The following OVCH1 variants were observed in gnomAD, a reference collection of about 807,000 sequenced individuals.
OVCH1 encodes the protein ovochymase-1.
Under a neutral mutation model 138.4 loss-of-function variants are expected in OVCH1, and 139 were observed. The observed-to-expected ratio is 1.00, with a 90% CI of 0.87 to 1.16. The LOEUF is 1.16. OVCH1 is among the 50% of genes most tolerant of loss of function. OVCH1 has a pLI of 0.00. For synonymous variants in OVCH1, 453 were observed against 467.8 expected (o/e 0.97, Z 0.41); for missense variants, 1,367 against 1,357.9 (o/e 1.01, Z -0.11).
In OVCH1 at chr12:29,432,340, G is replaced by C. The variant is rs531906165; in HGVS notation, c.3327+1411C>G. On this transcript the variant is annotated intron_variant, in intron 27 of 27. Transcript: ENST00000318184. ...AATATTATGGTGGAATTGTTCAGAA[G>C]TAGTAGCATTCTAGCTCTATTTTAC... 4.6e-4 allele frequency among the ~76,000 whole-genome samples: 70 copies of C among 152,354 alleles called. 1 individual carries two copies. In the South Asian group the frequency reaches 0.014, roughly 30 times the overall value.
At chr12:29,453,287 G>T (rs1046026037) in intron 21 of OVCH1, among the ~76,000 whole-genome samples, 3 of 152,086 alleles carry the variant, frequency 2.0e-5, no homozygotes, top group African/African-American at 7.2e-5. Context: ...CCAGACAAAT[G>T]GTCCTGGGTC....
At chr12:29,436,370 ATG>A (rs147212294) in intron 26 of OVCH1, among the ~76,000 whole-genome samples, 7,177 of 118,876 alleles carry the variant, frequency 0.06, 237 homozygotes, top group Non-Finnish European at 0.073. Context: ...ATGAAAATAC[ATG>A]TTATATAACA....
At chr12:29,445,656 A>G (rs1186342881) in intron 22 of OVCH1, among the ~76,000 whole-genome samples, 1 of 152,106 alleles carries the variant, frequency 6.6e-6, no homozygotes, top group Non-Finnish European at 1.5e-5. Context: ...TGCTTCCTGA[A>G]GGACAGTAGG....
At chr12:29,473,810 C>T (rs1372493951) in intron 14 of OVCH1, among the ~76,000 whole-genome samples, 1 of 152,048 alleles carries the variant, frequency 6.6e-6, no homozygotes, top group African/African-American at 2.4e-5. Flanking sequence ...CTGGGGAAGG[C>T]AGATCCACCC....
At position 29,494,386 on chromosome 12, in the gene OVCH1, T is replaced by TTA. The variant is rs1488862469; in HGVS notation, c.454+897_454+898dup. ...GCTTTTAGTATTTTACCCAGAATGT[T>TTA]TATATTACCTGTGTTGAGAGAGTGT... On this transcript the variant is annotated intron_variant, in intron 4 of 27. Transcript: ENST00000318184. Among the ~76,000 whole-genome samples the TTA allele has an allele frequency of 4.6e-5, 7 of 152,258 alleles. No homozygotes were observed. In the East Asian group the frequency reaches 1.4e-3, roughly 29 times the overall value.
intron 26 of OVCH1, among the ~76,000 whole-genome samples, chr12:29,435,063 T>C (rs527888229): frequency 6.6e-6 from 1 of 152,360 alleles, no homozygotes; most frequent in East Asian, 1.9e-4. Context: ...ATAATATTTT[T>C]AGCAAGTATA....
intron 19 of OVCH1, among the ~76,000 whole-genome samples, chr12:29,455,741 C>G (rs1466872359): frequency 6.6e-6 from 1 of 152,154 alleles, no homozygotes; most frequent in African/African-American, 2.4e-5. Flanking sequence ...TTTAAGATTT[C>G]AAGCATCTTT....
intron 26 of OVCH1, among the ~76,000 whole-genome samples, chr12:29,435,829 A>G (rs1428739037): frequency 6.6e-6 from 1 of 152,154 alleles, no homozygotes; most frequent in African/African-American, 2.4e-5. Flanking sequence ...CTGCTCCACT[A>G]TGAATCCATT....
intron 3 of OVCH1, among the ~76,000 whole-genome samples, chr12:29,418,339 CTAAG>C (rs1442211992): frequency 5.3e-5 from 8 of 152,202 alleles, no homozygotes; most frequent in Admixed American, 3.9e-4. Flanking sequence ...CTTCAAATTC[CTAAG>C]TATTTGGAGT....
chr12:29,479,813 CTCTT>C (rs1592099589), intron 8 of OVCH1, among the ~76,000 whole-genome samples: 3 of 146,372 alleles, frequency 2.0e-5, no homozygotes, highest in East Asian at 4.1e-4. Context: ...TAATTGGCAA[CTCTT>C]TTTTTTCTTT....
rs541107678 is a variant in OVCH1, at chr12:29,451,852, C to G, written c.2531-283G>C. ...AGACAGTAGGTTGCATTCTCTATAC[C>G]CAGCAGATTTTCATTTTCTTCCTCC... On this transcript the variant is annotated intron_variant, in intron 21 of 27. Transcript: ENST00000318184. Among the ~76,000 whole-genome samples, 4 of 152,064 alleles carry G rather than the reference C, an allele frequency of 2.6e-5. No individual in the cohort carries two copies. The East Asian group carries it at 7.7e-4, about 29-fold the overall frequency.
downstream of OVCH1, among the ~76,000 whole-genome samples, chr12:29,425,115 C>T (rs11610605): frequency 0.17 from 26,241 of 152,052 alleles, 2,523 homozygotes; most frequent in African/African-American, 0.27. Flanking sequence ...TGTGAACAGA[C>T]AGCAAATGGT....
intron 22 of OVCH1, among the ~76,000 whole-genome samples, chr12:29,449,667 G>C (rs1941724442): frequency 6.6e-6 from 1 of 151,900 alleles, no homozygotes; most frequent in Non-Finnish European, 1.5e-5. Flanking sequence ...TTATATTGGT[G>C]TATAGAAATG....
chr12:29,429,209 T>C (rs1205692744), intron 27 of OVCH1, among the ~76,000 whole-genome samples: 2 of 152,248 alleles, frequency 1.3e-5, no homozygotes, highest in Non-Finnish European at 2.9e-5. Flanking sequence ...AGTTACCATC[T>C]AAAAATGCCA....
At chr12:29,431,357 G>C (rs1340141302) in intron 27 of OVCH1, among the ~76,000 whole-genome samples, 1 of 152,062 alleles carries the variant, frequency 6.6e-6, no homozygotes, top group Non-Finnish European at 1.5e-5. Flanking sequence ...AGGTTCACTT[G>C]AGCCTGGGAG....
In OVCH1 at chr12:29,461,955, C is replaced by T. The variant is rs966106784; in HGVS notation, c.2179G>A (p.Glu727Lys). 7 of 1,613,732 alleles carry T rather than the reference C, an allele frequency of 4.3e-6. No homozygotes were observed. The African/African-American group carries it at 9.3e-5, about 22-fold the overall frequency. The change falls in exon 19 of 28, where the codon GAG (glutamate) becomes AAG (lysine). Residue 727 changes from glutamate (E) to lysine (K), a missense_variant. Physicochemically the swap from Glu to Lys is moderately conservative, Grantham distance 56. Coordinates refer to ENST00000318184, the Ensembl canonical transcript of OVCH1. ...GAATAGTAAGTGTGTTCACAGACCT[C>T]TCTTTCTAACACATGCACTTGAATC...
At chr12:29,412,666 A>G (rs1940975792) in exon 4 of OVCH1, 1 of 152,232 alleles carries the variant, frequency 6.6e-6, no homozygotes, top group African/African-American at 2.4e-5. Flanking sequence ...GCAGTCATAC[A>G]TGTAAAGTCA....
exon 15 of OVCH1, chr12:29,473,065 T>TTTGGGGAGGTAACTTTGGTTCAAA: frequency 6.2e-7 from 1 of 1,611,182 alleles, no homozygotes; most frequent in Non-Finnish European, 8.5e-7. Context: ...ACAGGATTGT[T>TTTGGGGAGGTAACTTTGGTTCAAA]TTGGGGAGGT....
intron 19 of OVCH1, 103 bp from the exon 20 acceptor site, chr12:29,455,508 T>A: frequency 7.9e-7 from 1 of 1,271,980 alleles, no homozygotes; most frequent in Non-Finnish European, 1.1e-6. Flanking sequence ...GTAATGTGTT[T>A]AATTCCTTAA....
Sources: allele counts gnomAD v4.1 joint callset (sites outside exome capture counted in the v4.1 genomes callset), GRCh38; gene constraint gnomAD v4.1.1; transcripts MANE v1.5; gene names NCBI Gene and HGNC (gene_info 2026-07-23, HGNC 2026-07-21).